Variants in IAH1 observed in about 807,000 individuals in gnomAD.
IAH1 encodes isoamyl acetate hydrolyzing esterase 1 (putative).
A neutral mutation model predicts 26.7 loss-of-function variants in IAH1; 24 were observed. The ratio of observed to expected loss-of-function variants is 0.90; its 90% CI spans 0.65 to 1.26. The LOEUF (loss-of-function observed/expected upper bound fraction) is 1.26. Among genes scored for constraint, IAH1 ranks in the 50% most tolerant of loss-of-function variants. IAH1 has a pLI of 0.00. For synonymous variants in IAH1, 140 were observed against 118.5 expected (o/e 1.18, Z -1.18); for missense variants, 300 against 299.9 (o/e 1.00, Z 0.00).
In IAH1 at chr2:9,488,403, T is replaced by C; in HGVS notation, c.*74T>C. On this transcript the variant is annotated 3_prime_UTR_variant, in exon 6 of 6. Transcript: ENST00000497473. ...TGTCAATACGTAGAGGTACGCTTTTTTCCTCAGGCTTAAACCTTTGCCACT... is the reference window on the plus strand; with the variant it reads ...TGTCAATACGTAGAGGTACGCTTTTCTCCTCAGGCTTAAACCTTTGCCACT... The C allele has an allele frequency of 8.3e-7, 1 of 1,206,472 alleles. No homozygotes were observed. The highest frequency in any genetic ancestry group is 1.2e-6 in the Non-Finnish European group (1 of 866,934). The allele number at this position is 1,206,472 out of a possible 1,614,324, so 74.7% of individuals were successfully genotyped here. A position where few individuals can be genotyped will look rare whatever the true frequency, so the allele number is the denominator to read the frequency against.
chr2:9,484,043 G>A (rs1184550869), intron 4 of IAH1, among the ~76,000 whole-genome samples: 3 of 152,140 alleles, frequency 2.0e-5, no homozygotes, highest in Non-Finnish European at 4.4e-5. Context: ...CAGCTTCCAT[G>A]GCCTGGCATT....
At chr2:9,477,032 C>T (rs954699927) in intron 2 of IAH1, among the ~76,000 whole-genome samples, 2 of 152,192 alleles carry the variant, frequency 1.3e-5, no homozygotes, top group Admixed American at 1.3e-4. Flanking sequence ...CAGGCACTCG[C>T]TACCACACCC....
chr2:9,486,335 A>C (rs1661476487), intron 5 of IAH1: 1 of 152,182 alleles, frequency 6.6e-6, no homozygotes, highest in Non-Finnish European at 1.5e-5. Context: ...AAAAGGGTCG[A>C]CATCTAGAGT....
At chr2:9,499,033 A>G (rs1264165514), downstream of IAH1, among the ~76,000 whole-genome samples, 2 of 151,966 alleles carry the variant, frequency 1.3e-5, no homozygotes, top group East Asian at 3.9e-4. Flanking sequence ...GGGGACTGAC[A>G]ATTTCCATTT....
the IAH1 span, among the ~76,000 whole-genome samples, chr2:9,509,196 T>C: frequency 6.6e-6 from 1 of 152,208 alleles, no homozygotes; most frequent in South Asian, 2.1e-4. Flanking sequence ...ATCAGACTCC[T>C]TTAAGCTCTC....
downstream of IAH1, among the ~76,000 whole-genome samples, chr2:9,491,805 A>G (rs1303501582): frequency 6.6e-6 from 1 of 152,256 alleles, no homozygotes; most frequent in African/African-American, 2.4e-5. Flanking sequence ...TTCTATGACC[A>G]AAAACAAGCC....
the IAH1 span, among the ~76,000 whole-genome samples, chr2:9,512,017 ACTTAAAATTC>A: frequency 0.43 from 64,276 of 151,016 alleles, 14,665 homozygotes; most frequent in Middle Eastern, 0.61. Context: ...ATACATATAA[ACTTAAAATTC>A]CTGAGTTCTT....
At chr2:9,497,125 C>A, downstream of IAH1, 1 of 1,613,992 alleles carries the variant, frequency 6.2e-7, no homozygotes, top group East Asian at 2.2e-5. Flanking sequence ...ATTACATGCA[C>A]AGGACTCCAG....
intron 6 of IAH1, chr2:9,494,989 G>A (rs577391841): frequency 7.3e-5 from 30 of 408,928 alleles, no homozygotes; most frequent in African/African-American, 5.3e-4. Context: ...AAAAAATGCA[G>A]AGAAAAATCC....
rs755519050 is a variant in IAH1, at chr2:9,474,566, C to T, written c.-1C>T. ...CCCGCCCCGCCCCGCCCGGCTGCTC[C>T]ATGGCGCTGTGCGAGGCCGCGGGCT... On this transcript the variant is annotated 5_prime_UTR_variant, in exon 1 of 6. Coordinates refer to ENST00000497473, the MANE Select transcript of IAH1 (RefSeq NM_001039613.3). The surrounding 1 kb of genome is among the most constrained non-coding windows in gnomAD (Gnocchi z 4.3). The T allele has an allele frequency of 1.3e-6, 2 of 1,494,240 alleles. No individual in the cohort carries two copies. Among genetic ancestry groups the T allele is most frequent in the East Asian group, 2.8e-5 (1 of 36,296 alleles). The allele number at this position is 1,494,240 out of a possible 1,614,324, so 92.6% of individuals were successfully genotyped here. A position where few individuals can be genotyped will look rare whatever the true frequency, so the allele number is the denominator to read the frequency against.
At position 9,481,341 on chromosome 2, in the gene IAH1, C is replaced by T. The variant is rs1661157360; in HGVS notation, c.339C>T (p.Ser113=). 6.2e-7 allele frequency: 1 copy of T among 1,614,192 alleles called. No homozygotes were observed. Among genetic ancestry groups the T allele is most frequent in the Non-Finnish European group, 8.5e-7 (1 of 1,180,024 alleles). The change falls in exon 4 of 6, where the codon AGC becomes AGT. Residue 113 remains serine (S), a synonymous_variant. Transcript: ENST00000497473. ...PLEEYAANLK[S]MVQYLKSVDI... is the part of the protein sequence containing the mutation. ...AGGAGTACGCTGCGAACCTAAAGAG[C>T]ATGGTGCAGTACCTGAAGTCCGTGG...
chr2:9,502,320 G>T, the IAH1 span: 15 of 1,502,882 alleles, frequency 1.0e-5, no homozygotes, highest in Admixed American at 1.0e-4. Context: ...TCAAATTATG[G>T]CCCCATATCA....
At chr2:9,511,530 C>A in the IAH1 span, among the ~76,000 whole-genome samples, 1 of 152,056 alleles carries the variant, frequency 6.6e-6, no homozygotes, top group Admixed American at 6.6e-5. Context: ...TGTCCAATAA[C>A]AATCTTAATG....
chr2:9,499,618 G>A (rs1223859960), downstream of IAH1, among the ~76,000 whole-genome samples: 1 of 152,092 alleles, frequency 6.6e-6, no homozygotes, highest in East Asian at 1.9e-4. Flanking sequence ...TAGCCAGGAT[G>A]GTCTCGATCT....
intron 6 of IAH1, among the ~76,000 whole-genome samples, chr2:9,495,763 C>A (rs1178021909): frequency 6.6e-6 from 1 of 151,176 alleles, no homozygotes; most frequent in African/African-American, 2.4e-5. Context: ...TAAAATATTT[C>A]TTGGACTTTT....
upstream of IAH1, chr2:9,474,539 G>GC (rs953945244): frequency 2.3e-6 from 3 of 1,316,256 alleles, no homozygotes; most frequent in Non-Finnish European, 2.9e-6. This position sits in a 1 kb window ranked among gnomAD's most constrained non-coding sequence, Gnocchi z 4.3. Flanking sequence ...GTGGCTGGCG[G>GC]CCCCGCCCCG....
Position 9,481,597 on chromosome 2 carries a change from T to G in IAH1, c.445+150T>G, listed in dbSNP as rs867081480. 1.1e-4 allele frequency: 83 copies of G among 730,126 alleles called. No homozygotes were observed. The Middle Eastern group carries it at 2.0e-3, about 17-fold the overall frequency. 45.2% of individuals were successfully genotyped at this position (730,126 alleles called of 1,614,324 possible). A position where few individuals can be genotyped will look rare whatever the true frequency, so the allele number is the denominator to read the frequency against. ...TGTTTTCAATCCAAAATTATTAAAT[T>G]ATAGCTTCCATTATGTTATACCTGA... On this transcript the variant is annotated intron_variant, in intron 4 of 5. Coordinates refer to ENST00000497473, the MANE Select transcript of IAH1 (RefSeq NM_001039613.3).
the IAH1 span, among the ~76,000 whole-genome samples, chr2:9,503,439 C>G: frequency 6.6e-6 from 1 of 152,168 alleles, no homozygotes; most frequent in Non-Finnish European, 1.5e-5. Flanking sequence ...ATTCATATCC[C>G]AAGACTGTCA....
At chr2:9,510,392 A>C in the IAH1 span, among the ~76,000 whole-genome samples, 1 of 152,140 alleles carries the variant, frequency 6.6e-6, no homozygotes, top group Non-Finnish European at 1.5e-5. Context: ...TGGGCTAGGC[A>C]TGGTGGCTCA....
Sources: gnomAD v4.1 joint callset for allele counts (sites outside exome capture counted in the v4.1 genomes callset) on GRCh38, gnomAD v4.1.1 for gene constraint, Gnocchi (gnomAD v3.1) non-coding constraint, MANE v1.5 for transcripts, NCBI Gene and HGNC (gene_info 2026-07-23, HGNC 2026-07-21) for gene names.